The following FBXO15 variants were observed in gnomAD, a reference collection of about 807,000 sequenced individuals.
FBXO15 encodes F-box only protein 15.
In FBXO15, 30 loss-of-function variants were observed where a neutral mutation model predicts 49.5. The ratio of observed to expected loss-of-function variants is 0.61; its 90% CI spans 0.45 to 0.82. The LOEUF (loss-of-function observed/expected upper bound fraction) is 0.82. Among genes scored for constraint, FBXO15 ranks in the 40% least tolerant of loss-of-function variants. FBXO15 has a pLI of 0.00. For missense variants in FBXO15, 591 were observed against 631.5 expected, an observed-to-expected ratio of 0.94 and a Z score of 0.69; for synonymous variants, 250 against 232.7, an observed-to-expected ratio of 1.07 and a Z score of -0.68.
At chr18:74,073,901 T>C (rs182019599) in intron 9 of FBXO15, among the ~76,000 whole-genome samples, 171 bp from the exon 10 acceptor site, 1 of 152,330 alleles carries the variant, frequency 6.6e-6, no homozygotes, top group East Asian at 1.9e-4. Flanking sequence ...TACTTGGGCT[T>C]TTGTGTGTCT....
In FBXO15 at chr18:74,082,131, T is replaced by C. The variant is rs1912528762; in HGVS notation, c.1139-80A>G. 2.7e-6 allele frequency: 4 copies of C among 1,464,010 alleles called. No homozygotes were observed. The Admixed American group carries it at 5.6e-5, about 20-fold the overall frequency. 90.7% of individuals were successfully genotyped at this position (1,464,010 alleles called of 1,614,324 possible). A position where few individuals can be genotyped will look rare whatever the true frequency, so the allele number is the denominator to read the frequency against. On this transcript the variant is annotated intron_variant, in intron 8 of 9. Transcript: ENST00000419743. ...CAAGCACGTTCAGTCGGCGACTTTATAAGGATACCTCACCCTGGTAAGCCC... is the reference window on the plus strand; with the variant it reads ...CAAGCACGTTCAGTCGGCGACTTTACAAGGATACCTCACCCTGGTAAGCCC...
intron 8 of FBXO15, among the ~76,000 whole-genome samples, chr18:74,087,999 C>A (rs562192087): frequency 9.5e-4 from 145 of 152,296 alleles, no homozygotes; most frequent in African/African-American, 3.3e-3. Flanking sequence ...TGCTTGTTGG[C>A]AGCATGTACG....
At chr18:74,083,177 T>C (rs576690955) in intron 8 of FBXO15, among the ~76,000 whole-genome samples, 1 of 152,330 alleles carries the variant, frequency 6.6e-6, no homozygotes, top group East Asian at 1.9e-4. Context: ...CTTACTTCTG[T>C]TCCAAGGACA....
intron 8 of FBXO15, among the ~76,000 whole-genome samples, chr18:74,101,530 C>G (rs1913519859): frequency 6.6e-6 from 1 of 152,052 alleles, no homozygotes; most frequent in Non-Finnish European, 1.5e-5. Context: ...GTGAAAATGA[C>G]CATATTGCCA....
Position 74,073,641 on chromosome 18 carries a change from G to A in FBXO15, c.1353C>T (p.Ala451=), listed in dbSNP as rs747469853. 6.2e-7 allele frequency: 1 copy of A among 1,614,202 alleles called. No homozygotes were observed. The highest frequency in any genetic ancestry group is 8.5e-7 in the Non-Finnish European group (1 of 1,180,040). Reference sequence around the variant, plus strand: ...AGAAGCTAGAGCTGTCAGAGGGTGTGGCAGGCGATCTCAGGCACACCGGGG... The same window carrying A: ...AGAAGCTAGAGCTGTCAGAGGGTGTAGCAGGCGATCTCAGGCACACCGGGG... ...FSSPVCLRSP[A]TPSDSSSFLG... is the part of the protein sequence containing the mutation. Residue 451 remains alanine, a synonymous_variant, in exon 10 of 10, where the codon GCC becomes GCT. Transcript: ENST00000419743.
chr18:74,121,971 C>T (rs1914487077), intron 8 of FBXO15, among the ~76,000 whole-genome samples: 1 of 152,190 alleles, frequency 6.6e-6, no homozygotes, highest in African/African-American at 2.4e-5. Context: ...TGGCTGAAAT[C>T]AGTCGGAACC....
intron 1 of FBXO15, among the ~76,000 whole-genome samples, chr18:74,143,607 A>C (rs1365515540): frequency 6.6e-6 from 1 of 152,232 alleles, no homozygotes; most frequent in Non-Finnish European, 1.5e-5. Context: ...GGGGAAAAAA[A>C]TACTAAAAAC....
intron 4 of FBXO15, 40 bp downstream of exon 4, chr18:74,130,376 G>C: frequency 6.2e-7 from 1 of 1,610,738 alleles, no homozygotes; most frequent in African/African-American, 1.3e-5. Context: ...ACGATACTTT[G>C]AGCTGATGCC....
At chr18:74,111,205 C>T (rs1264781539) in intron 8 of FBXO15, among the ~76,000 whole-genome samples, 2 of 150,690 alleles carry the variant, frequency 1.3e-5, no homozygotes, top group African/African-American at 2.4e-5. Flanking sequence ...GTGCCTCACA[C>T]CTATAATCCC....
intron 8 of FBXO15, among the ~76,000 whole-genome samples, chr18:74,117,917 C>T (rs1474501868): frequency 6.6e-6 from 1 of 152,150 alleles, no homozygotes; most frequent in Non-Finnish European, 1.5e-5. Flanking sequence ...ACAGACCTAG[C>T]ACCTAACAGG....
chr18:74,112,992 A>G (rs1231751335), intron 8 of FBXO15, among the ~76,000 whole-genome samples: 1 of 152,250 alleles, frequency 6.6e-6, no homozygotes, highest in African/African-American at 2.4e-5. Flanking sequence ...GTGTCCATGA[A>G]AACCTGCAAA....
intron 8 of FBXO15, among the ~76,000 whole-genome samples, chr18:74,111,030 G>A (rs1914005251): frequency 1.3e-5 from 2 of 152,082 alleles, no homozygotes; most frequent in South Asian, 4.1e-4. Context: ...AAGGACATAA[G>A]TGAACTCAAC....
At chr18:74,084,446 G>A (rs1425149216) in intron 8 of FBXO15, among the ~76,000 whole-genome samples, 1 of 152,252 alleles carries the variant, frequency 6.6e-6, no homozygotes, top group East Asian at 1.9e-4. Flanking sequence ...CCTCAGGCGG[G>A]CAGGAGCAGA....
chr18:74,095,759 G>C (rs866401819), intron 8 of FBXO15, among the ~76,000 whole-genome samples: 12 of 152,184 alleles, frequency 7.9e-5, no homozygotes, highest in Admixed American at 3.3e-4. Flanking sequence ...GCTTCATGCA[G>C]AGGTGCCACA....
At chr18:74,102,983 G>C (rs1230592100) in intron 8 of FBXO15, among the ~76,000 whole-genome samples, 1 of 152,030 alleles carries the variant, frequency 6.6e-6, no homozygotes, top group Non-Finnish European at 1.5e-5. Context: ...AGGGATAAAA[G>C]ACTACAAATT....
chr18:74,139,940 A>G (rs776482101), intron 2 of FBXO15, among the ~76,000 whole-genome samples: 2 of 152,178 alleles, frequency 1.3e-5, no homozygotes, highest in African/African-American at 4.8e-5. Context: ...CTCAAAAGTG[A>G]ATATTTTTGA....
intron 9 of FBXO15, chr18:74,076,383 G>A (rs1599127797): frequency 6.6e-6 from 1 of 152,150 alleles, no homozygotes; most frequent in Admixed American, 6.6e-5. Flanking sequence ...ATAGGACTGA[G>A]GTCCTTATAA....
Position 74,081,937 on chromosome 18 carries a change from C to T in FBXO15, c.1253G>A (p.Gly418Asp), listed in dbSNP as rs956843236. 2 of 1,610,984 alleles carry T rather than the reference C, an allele frequency of 1.2e-6. No individual in the cohort carries two copies. Among genetic ancestry groups the T allele is most frequent in the Non-Finnish European group, 1.7e-6 (2 of 1,178,572 alleles). ...GLSWKTDIFD[G>D]CIKSCSMMDV... is the part of the protein sequence containing the mutation. Reference sequence around the variant, plus strand: ...CGGTTCTGTTTTTACCTTTATACAGCCATCAAAAATATCAGTTTTCCACGA... The same window carrying T: ...CGGTTCTGTTTTTACCTTTATACAGTCATCAAAAATATCAGTTTTCCACGA... Residue 418 changes from glycine to aspartate, a missense_variant, in exon 9 of 10, where the codon GGC (glycine) becomes GAC (aspartate). Transcript: ENST00000419743.
intron 1 of FBXO15, 194 bp downstream of exon 1, chr18:74,147,476 T>A (rs962180897): frequency 3.2e-5 from 39 of 1,223,312 alleles, no homozygotes; most frequent in Non-Finnish European, 3.8e-5. Flanking sequence ...ACTCTATTTG[T>A]GTCATAACTT....
Sources: gnomAD v4.1 joint callset for allele counts (sites outside exome capture counted in the v4.1 genomes callset) on GRCh38, gnomAD v4.1.1 for gene constraint, MANE v1.5 for transcripts, NCBI Gene and HGNC (gene_info 2026-07-23, HGNC 2026-07-21) for gene names.